PUDP: variants seen among roughly 807,000 people sequenced by gnomAD.
PUDP encodes the protein pseudouridine-5'-phosphatase.
PUDP carries 8 observed loss-of-function variants against 9.4 expected under a neutral mutation model. The ratio of observed to expected loss-of-function variants is 0.85; its 90% CI spans 0.50 to 1.53. PUDP has a LOEUF of 1.53. PUDP is among the 40% of genes most tolerant of loss of function. PUDP has a pLI of 0.00. For synonymous variants in PUDP, 99 were observed against 80.7 expected, an observed-to-expected ratio of 1.23 and a Z score of -1.22; for missense variants, 188 against 189.7, an observed-to-expected ratio of 0.99 and a Z score of 0.05.
At chrX:7,034,137 G>T (rs1346851395) in intron 1 of PUDP, among the ~76,000 whole-genome samples, 1 of 112,093 alleles carries the variant, frequency 8.9e-6, no homozygotes, top group Non-Finnish European at 1.9e-5. Flanking sequence ...ATGGGGTAGG[G>T]TAGGGTGGAA....
chrX:7,109,190 C>T (rs1021403755), intron 1 of PUDP, among the ~76,000 whole-genome samples: 4 of 112,018 alleles, frequency 3.6e-5, no homozygotes, highest in Non-Finnish European at 5.6e-5. Context: ...CAGGCATGAG[C>T]GCTCCTTTTA....
At chrX:7,005,341 G>C (rs1929387830) in intron 1 of PUDP, among the ~76,000 whole-genome samples, 1 of 111,022 alleles carries the variant, frequency 9.0e-6, no homozygotes, top group Non-Finnish European at 1.9e-5. Flanking sequence ...AGTGAGGCAA[G>C]GGTGAGCAGT....
At chrX:7,069,721 G>C (rs1930672501) in intron 3 of PUDP, among the ~76,000 whole-genome samples, 1 of 111,277 alleles carries the variant, frequency 9.0e-6, no homozygotes, top group South Asian at 3.8e-4. Context: ...TCAGCCCTCA[G>C]CCCTCATACA....
At chrX:6,775,504 TACACACACACAC>T (rs1555909727) in intron 3 of PUDP, among the ~76,000 whole-genome samples, 2 of 100,804 alleles carry the variant, frequency 2.0e-5, no homozygotes, top group African/African-American at 3.6e-5. Context: ...TACACACACA[TACACACACACAC>T]ACACACACAC....
At chrX:6,997,096 T>C (rs758726793) in intron 1 of PUDP, among the ~76,000 whole-genome samples, 2 of 112,561 alleles carry the variant, frequency 1.8e-5, no homozygotes, top group South Asian at 7.4e-4. Context: ...CACAATGGGA[T>C]AAGTTTAACA....
At chrX:7,041,464 G>A (rs773876000) in intron 1 of PUDP, among the ~76,000 whole-genome samples, 1 of 111,662 alleles carries the variant, frequency 9.0e-6, no homozygotes. Flanking sequence ...CTGTTCCCTC[G>A]AAGGCATCAT....
intron 3 of PUDP, among the ~76,000 whole-genome samples, chrX:6,776,104 G>C (rs1390472983): frequency 8.9e-6 from 1 of 111,821 alleles, no homozygotes; most frequent in African/African-American, 3.3e-5. Flanking sequence ...CCCATTGAGT[G>C]CGATCACCAG....
chrX:6,993,160 AT>A (rs1267367969), intron 1 of PUDP, among the ~76,000 whole-genome samples: 3 of 111,104 alleles, frequency 2.7e-5, no homozygotes, highest in Non-Finnish European at 5.7e-5. Flanking sequence ...CCTTGTGATC[AT>A]GTGAGTCAAT....
intron 3 of PUDP, among the ~76,000 whole-genome samples, chrX:7,071,199 A>G (rs189797025): frequency 8.9e-6 from 1 of 111,980 alleles, no homozygotes. Context: ...TGATATGAAT[A>G]TATGCCCAGC....
At chrX:6,979,141 G>A (rs763775362) in intron 1 of PUDP, among the ~76,000 whole-genome samples, 9 of 112,002 alleles carry the variant, frequency 8.0e-5, no homozygotes, top group Non-Finnish European at 1.5e-4. Context: ...GTTATGTCGC[G>A]TAATAGTATG....
At chrX:6,725,323 G>A (rs1924726687), upstream of PUDP, among the ~76,000 whole-genome samples, 1 of 111,679 alleles carries the variant, frequency 9.0e-6, no homozygotes, top group African/African-American at 3.3e-5. Context: ...GGCTTTTAGT[G>A]TATCCATCAC....
chrX:6,819,038 A>G lies in PUDP; in HGVS notation c.*248-112572T>C, dbSNP rs1210976518. ...AGCTCACTAGAAAATTTCTTCCAGA[A>G]AGATATCCTTCTTACTGGAAAAACT... On this transcript the variant is annotated intron_variant and NMD_transcript_variant, in intron 3 of 3. Coordinates refer to the PUDP transcript ENST00000655425. Among the ~76,000 whole-genome samples, 7 of 111,764 alleles carry G rather than the reference A, an allele frequency of 6.3e-5. No individual in the cohort carries two copies. In the Admixed American group the frequency reaches 6.7e-4, roughly 11 times the overall value.
intron 1 of PUDP, among the ~76,000 whole-genome samples, chrX:7,127,273 G>A (rs1448241884): frequency 8.9e-6 from 1 of 112,041 alleles, no homozygotes; most frequent in Admixed American, 9.5e-5. Context: ...GTAAGAGACC[G>A]CCTTTTCTTT....
chrX:7,086,394 G>C (rs189792190), intron 2 of PUDP, among the ~76,000 whole-genome samples: 1 of 112,268 alleles, frequency 8.9e-6, no homozygotes, highest in South Asian at 3.7e-4. Flanking sequence ...AGGAAATCTG[G>C]CTAATATAGA....
At chrX:7,058,439 A>G (rs1286525205) in intron 3 of PUDP, among the ~76,000 whole-genome samples, 1 of 112,166 alleles carries the variant, frequency 8.9e-6, no homozygotes, top group Non-Finnish European at 1.9e-5. Context: ...TATGATCTGA[A>G]TCTCATCACC....
intron 3 of PUDP, among the ~76,000 whole-genome samples, chrX:6,889,397 G>C (rs1232097028): frequency 5.4e-5 from 6 of 111,065 alleles, no homozygotes; most frequent in African/African-American, 2.0e-4. Flanking sequence ...TGAACTCCTG[G>C]GCTCAAGCCA....
Position 6,899,285 on chromosome X carries a change from G to A in PUDP, c.*247+77848C>T, listed in dbSNP as rs777563933. ...CAATCATCATCATAATACATACTTG[G>A]TAAGATTGTTATTGTGGGCCGGGTG... On this transcript the variant is annotated intron_variant and NMD_transcript_variant, in intron 3 of 3. Coordinates refer to the PUDP transcript ENST00000655425. Among the ~76,000 whole-genome samples the A allele has an allele frequency of 1.3e-4, 15 of 112,761 alleles. No homozygotes were observed. In the South Asian group the frequency reaches 5.5e-3, roughly 41 times the overall value.
chrX:6,817,014 CA>C (rs1378855889), intron 3 of PUDP, among the ~76,000 whole-genome samples: 7 of 90,402 alleles, frequency 7.7e-5, no homozygotes, highest in Non-Finnish European at 1.2e-4. Context: ...TATATATACA[CA>C]TATAGTATAT....
At chrX:6,975,957 G>A (rs1416105066) in intron 3 of PUDP, among the ~76,000 whole-genome samples, 3 of 112,299 alleles carry the variant, frequency 2.7e-5, no homozygotes, top group Non-Finnish European at 5.6e-5. Context: ...CAGCCAGTGA[G>A]CTCTGCCCCA....
Sources: allele counts gnomAD v4.1 joint callset (sites outside exome capture counted in the v4.1 genomes callset), GRCh38; gene constraint gnomAD v4.1.1; transcripts MANE v1.5; gene names NCBI Gene and HGNC (gene_info 2026-07-23, HGNC 2026-07-21).